The following EPB41L1 variants were observed in gnomAD, a reference collection of about 807,000 sequenced individuals.
The protein encoded by EPB41L1 is band 4.1-like protein 1.
A neutral mutation model predicts 97.8 loss-of-function variants in EPB41L1; 29 were observed. That is an observed-to-expected ratio of 0.30 (90% CI 0.22 to 0.40). The LOEUF (loss-of-function observed/expected upper bound fraction) is 0.40. EPB41L1 is among the 10% of genes least tolerant of loss of function. The probability of loss-of-function intolerance (pLI) is 1.00; values close to 1 mark genes in which losing one functional copy is unlikely to be tolerated. For missense variants in EPB41L1, 812 were observed against 1,162.3 expected (o/e 0.70, Z 4.38); for synonymous variants, 383 against 459.2 (o/e 0.83, Z 2.12).
intron 21 of EPB41L1, among the ~76,000 whole-genome samples, chr20:36,223,297 G>A (rs2063901776): frequency 6.6e-6 from 1 of 152,216 alleles, no homozygotes; most frequent in South Asian, 2.1e-4. Context: ...GCCTCCCAAA[G>A]TGCTGGGATT....
At chr20:36,227,888 C>A (rs1468232251) in intron 21 of EPB41L1, among the ~76,000 whole-genome samples, 1 of 152,218 alleles carries the variant, frequency 6.6e-6, no homozygotes, top group East Asian at 1.9e-4. Flanking sequence ...CACTGGCCCA[C>A]CTCCTTCAGA....
chr20:36,198,457 C>T (rs2062326064), intron 14 of EPB41L1, among the ~76,000 whole-genome samples: 1 of 152,222 alleles, frequency 6.6e-6, no homozygotes, highest in Non-Finnish European at 1.5e-5. Context: ...ATCCCAATAG[C>T]TCTCTCCAGA....
At position 36,180,862 on chromosome 20, in the gene EPB41L1, G is replaced by T. The variant is rs141128872; in HGVS notation, c.491-1410G>T. Among the ~76,000 whole-genome samples, 131 of 152,262 alleles carry T rather than the reference G, an allele frequency of 8.6e-4. 1 individual carries two copies. Among genetic ancestry groups the T allele is most frequent in the African/African-American group, 3.0e-3 (126 of 41,544 alleles). On this transcript the variant is annotated intron_variant, in intron 5 of 21. Coordinates refer to ENST00000338074, the MANE Select transcript of EPB41L1 (RefSeq NM_012156.2). ...ATTCATTGAAGCTGCTCTTTCCAAG[G>T]AGTCGGTGTGGTCAGGAGCCTGGGC...
intron 1 of EPB41L1, among the ~76,000 whole-genome samples, chr20:36,157,622 C>A (rs756774557): frequency 9.9e-5 from 15 of 151,856 alleles, no homozygotes; most frequent in Non-Finnish European, 1.9e-4. Flanking sequence ...TGTGTGTGTG[C>A]CTGGTGAGGC....
intron 2 of EPB41L1, among the ~76,000 whole-genome samples, chr20:36,119,641 G>A (rs1280164878): frequency 6.7e-6 from 1 of 149,628 alleles, no homozygotes; most frequent in Non-Finnish European, 1.5e-5. Flanking sequence ...GAAGCGGAGG[G>A]GAGAGGAGGG....
chr20:36,206,555 C>T lies in EPB41L1; in HGVS notation c.1669-2933C>T. ...GAGAGAAAAGGGCGCCTGGATGCCC[C>T]TCCCGGAGGTGAGCCCAGGCCGACG... On this transcript the variant is annotated intron_variant, in intron 14 of 21. Coordinates refer to ENST00000338074, the MANE Select transcript of EPB41L1 (RefSeq NM_012156.2). This position sits in a 1 kb window ranked among gnomAD's most constrained non-coding sequence, Gnocchi z 5.5. 7.8e-7 allele frequency: 1 copy of T among 1,289,844 alleles called. No individual in the cohort carries two copies. The highest frequency in any genetic ancestry group is 1.0e-6 in the Non-Finnish European group (1 of 988,874). 79.9% of individuals were successfully genotyped at this position (1,289,844 alleles called of 1,614,324 possible).
intron 1 of EPB41L1, among the ~76,000 whole-genome samples, chr20:36,158,257 CA>C (rs2060391361): frequency 6.6e-6 from 1 of 152,200 alleles, no homozygotes; most frequent in South Asian, 2.1e-4. Context: ...TTGAAATAGT[CA>C]CTCAGTCAGA....
intron 14 of EPB41L1, chr20:36,205,888 A>G (rs530279361): frequency 4.7e-6 from 6 of 1,289,870 alleles, no homozygotes; most frequent in Admixed American, 2.3e-5. Flanking sequence ...AGAGTACACT[A>G]GGCCAGAAGA....
intron 6 of EPB41L1, among the ~76,000 whole-genome samples, chr20:36,183,953 G>A (rs1167188256): frequency 6.6e-6 from 1 of 152,140 alleles, no homozygotes; most frequent in Non-Finnish European, 1.5e-5. Flanking sequence ...AAAGAAAAAA[G>A]CCCAGATATG....
In EPB41L1 at chr20:36,230,162, AAAG is replaced by A. The variant is rs1459944365; in HGVS notation, c.*825_*827del. On this transcript the variant is annotated 3_prime_UTR_variant, in exon 22 of 22. Coordinates refer to ENST00000338074, the MANE Select transcript of EPB41L1 (RefSeq NM_012156.2). ...ACTCTCCTTTGAAATGAGAAAAAGAAAAGAAAGCAAGAACAGAAAACGAAGCCA... is the reference window on the plus strand; with the variant it reads ...ACTCTCCTTTGAAATGAGAAAAAGAAAAAGCAAGAACAGAAAACGAAGCCA... 6.6e-6 allele frequency: 1 copy of A among 152,586 alleles called. No individual in the cohort carries two copies. The highest frequency in any genetic ancestry group is 1.5e-5 in the Non-Finnish European group (1 of 68,098). 9.5% of individuals were successfully genotyped at this position (152,586 alleles called of 1,614,324 possible). A position where few individuals can be genotyped will look rare whatever the true frequency, so the allele number is the denominator to read the frequency against.
At chr20:36,091,940 C>G (rs1028957478) in intron 1 of EPB41L1, 1 of 152,240 alleles carries the variant, frequency 6.6e-6, no homozygotes, top group South Asian at 2.1e-4. Context: ...AGCGCCTATA[C>G]GGGCCGTGGT....
At chr20:36,144,401 G>T (rs1173499149) in intron 2 of EPB41L1, among the ~76,000 whole-genome samples, 2 of 152,166 alleles carry the variant, frequency 1.3e-5, no homozygotes, top group Non-Finnish European at 2.9e-5. Flanking sequence ...GGCTGGCATG[G>T]ATCCAACTGA....
intron 9 of EPB41L1, among the ~76,000 whole-genome samples, chr20:36,188,923 C>T (rs2061820271): frequency 6.7e-6 from 1 of 149,920 alleles, no homozygotes; most frequent in Admixed American, 6.6e-5. Flanking sequence ...AATATAACTA[C>T]ATACATTCAG....
intron 2 of EPB41L1, among the ~76,000 whole-genome samples, chr20:36,124,228 C>G (rs2058870563): frequency 6.6e-6 from 1 of 152,142 alleles, no homozygotes; most frequent in Admixed American, 6.5e-5. Context: ...GCACTCCAGC[C>G]TGGGCGACAG....
At chr20:36,188,244 G>A in intron 8 of EPB41L1, 103 bp from the exon 9 acceptor site, 2 of 1,509,580 alleles carry the variant, frequency 1.3e-6, no homozygotes, top group Non-Finnish European at 1.8e-6. Context: ...GTTCCTGAGA[G>A]CTCGTTACAA....
Position 36,140,174 on chromosome 20 carries a change from C to T in EPB41L1, c.-10+27694C>T, listed in dbSNP as rs2059583751. Among the ~76,000 whole-genome samples, 3 of 152,132 alleles carry T rather than the reference C, an allele frequency of 2.0e-5. No homozygotes were observed. The South Asian group carries it at 6.2e-4, about 32-fold the overall frequency. On this transcript the variant is annotated intron_variant, in intron 2 of 19. Coordinates refer to the EPB41L1 transcript ENST00000202028. The stretch of plus-strand genomic sequence containing the variant: ...GATTCAAGTGATTCTTGTGCCTCAG[C>T]CTCCTGAGTAGCAGGGACTACAGGT...
chr20:36,133,855 CAAAAA>C (rs57803389), intron 2 of EPB41L1, among the ~76,000 whole-genome samples: 1 of 75,876 alleles, frequency 1.3e-5, no homozygotes, highest in African/African-American at 4.5e-5. Flanking sequence ...GAGACCCTGT[CAAAAA>C]AAAAAAAAAA....
At chr20:36,159,133 G>A (rs2060429912) in intron 1 of EPB41L1, among the ~76,000 whole-genome samples, 1 of 152,190 alleles carries the variant, frequency 6.6e-6, no homozygotes, top group Non-Finnish European at 1.5e-5. Context: ...AGTGGGTAAG[G>A]CCACAGGGTC....
chr20:36,127,285 G>C (rs937468937), intron 2 of EPB41L1, among the ~76,000 whole-genome samples: 1 of 152,234 alleles, frequency 6.6e-6, no homozygotes, highest in African/African-American at 2.4e-5. Flanking sequence ...GCTGATTGCA[G>C]TGATGAGGAG....
Sources: gnomAD v4.1 joint callset for allele counts (sites outside exome capture counted in the v4.1 genomes callset) on GRCh38, gnomAD v4.1.1 for gene constraint, Gnocchi (gnomAD v3.1) non-coding constraint, MANE v1.5 for transcripts, NCBI Gene and HGNC (gene_info 2026-07-23, HGNC 2026-07-21) for gene names.